The following GJA5 variants were observed in gnomAD, a reference collection of about 807,000 sequenced individuals.
The protein encoded by GJA5 is gap junction protein alpha 5, also known as gap junction alpha-5 protein.
A neutral mutation model predicts 7.9 loss-of-function variants in GJA5; 3 were observed. The observed-to-expected ratio is 0.38, with a 90% CI of 0.17 to 0.99. GJA5 has a LOEUF of 0.99. GJA5 is among the 50% of genes least tolerant of loss of function. The probability of loss-of-function intolerance (pLI) is 0.38; values close to 1 mark genes in which losing one functional copy is unlikely to be tolerated. For synonymous variants in GJA5, 193 were observed against 181.0 expected (o/e 1.07, Z -0.53); for missense variants, 390 against 457.9 (o/e 0.85, Z 1.35).
chr1:147,772,789 G>GAAAAAAA (rs10687653), intron 1 of GJA5, among the ~76,000 whole-genome samples: 5 of 125,922 alleles, frequency 4.0e-5, no homozygotes, highest in South Asian at 2.7e-4. Flanking sequence ...GCCTTAGGGA[G>GAAAAAAA]AAAAAAAAAA....
At position 147,757,740 on chromosome 1, in the gene GJA5, G is replaced by C. The variant is rs1383244523; in HGVS notation, c.*422C>G. The C allele has an allele frequency of 1.4e-5, 3 of 221,122 alleles. No homozygotes were observed. The Admixed American group carries it at 1.6e-4, about 11-fold the overall frequency. The allele number at this position is 221,122 out of a possible 1,614,324, so 13.7% of individuals were successfully genotyped here. On this transcript the variant is annotated 3_prime_UTR_variant, in exon 2 of 2. Transcript: ENST00000579774. The stretch of plus-strand genomic sequence containing the variant: ...ATGCTGTCTATTGGCTGGGAACTTT[G>C]AGCTCTTCCTTGGAGGAGGGAGGGT...
At chr1:147,767,101 C>A (rs1365610974) in intron 1 of GJA5, among the ~76,000 whole-genome samples, 1 of 152,130 alleles carries the variant, frequency 6.6e-6, no homozygotes. Context: ...TTCCTCTCAC[C>A]CCAATAATTT....
At chr1:147,770,376 C>T (rs587646057) in intron 1 of GJA5, among the ~76,000 whole-genome samples, 28 of 152,068 alleles carry the variant, frequency 1.8e-4, no homozygotes, top group Middle Eastern at 6.8e-3. Context: ...AGTGGCAAAG[C>T]CAAGAAACAA....
intron 1 of GJA5, among the ~76,000 whole-genome samples, chr1:147,771,249 G>A (rs1470562281): frequency 1.3e-5 from 2 of 152,058 alleles, no homozygotes; most frequent in Non-Finnish European, 2.9e-5. Context: ...GTGGGCAGGT[G>A]GGAGTCAATA....
chr1:147,769,568 G>T (rs1320623184), intron 1 of GJA5, among the ~76,000 whole-genome samples: 1 of 149,610 alleles, frequency 6.7e-6, no homozygotes, highest in Non-Finnish European at 1.5e-5. Context: ...GACATTTCCA[G>T]TAAAAACTCC....
chr1:147,757,906 A>G lies in GJA5; in HGVS notation c.*256T>C. 2 of 529,206 alleles carry G rather than the reference A, an allele frequency of 3.8e-6. No homozygotes were observed. The highest frequency in any genetic ancestry group is 4.2e-5 in the South Asian group (2 of 47,432). The allele number at this position is 529,206 out of a possible 1,614,324, so 32.8% of individuals were successfully genotyped here. The stretch of plus-strand genomic sequence containing the variant: ...CCCTTCTTTCCCTCTACCCTGTTTC[A>G]TGAGTAATCTGAAAGGCTTCGTATA... On this transcript the variant is annotated 3_prime_UTR_variant, in exon 2 of 2. Coordinates refer to ENST00000579774, the MANE Select transcript of GJA5 (RefSeq NM_181703.4).
upstream of GJA5, among the ~76,000 whole-genome samples, chr1:147,760,898 G>C (rs1340934739): frequency 6.7e-6 from 1 of 150,284 alleles, no homozygotes; most frequent in Non-Finnish European, 1.5e-5. Context: ...GTGAACAAGA[G>C]GGAACCTCAC....
chr1:147,772,745 A>T (rs1252022434), intron 1 of GJA5, among the ~76,000 whole-genome samples: 2 of 150,582 alleles, frequency 1.3e-5, no homozygotes, highest in Admixed American at 1.3e-4. Flanking sequence ...TCTGCAGGAA[A>T]CTAAGCAGGG....
intron 1 of GJA5, among the ~76,000 whole-genome samples, chr1:147,768,630 T>C (rs181095582): frequency 3.9e-5 from 6 of 152,322 alleles, no homozygotes; most frequent in Admixed American, 3.3e-4. Flanking sequence ...CTCAACTCCT[T>C]ATTTTTAAAC....
Position 147,758,166 on chromosome 1 carries a change from A to T in GJA5, c.1073T>A (p.Val358Glu), listed in dbSNP as rs1553226732. The T allele has an allele frequency of 6.2e-7, 1 of 1,607,782 alleles. No individual in the cohort carries two copies. The highest frequency in any genetic ancestry group is 1.1e-5 in the South Asian group (1 of 90,952). Residue 358 changes from valine to glutamate, a missense_variant, in exon 2 of 2, where the codon GTG becomes GAG. Physicochemically the swap from Val to Glu is moderately radical, Grantham distance 121. Coordinates refer to ENST00000579774, the MANE Select transcript of GJA5 (RefSeq NM_181703.4). ...TGATCCTCCCATAAAGGAGGGTCAC[A>T]CTGATAGGTCATCTGACCTTGCCTT... ...SSKARSDDLS[V>E]
chr1:147,771,035 A>G (rs1664376411), intron 1 of GJA5, among the ~76,000 whole-genome samples: 2 of 152,112 alleles, frequency 1.3e-5, no homozygotes, highest in Admixed American at 1.3e-4. Context: ...GTCCTTCCCT[A>G]GGACGGGGGC....
chr1:147,769,956 G>A (rs782632303), intron 1 of GJA5, among the ~76,000 whole-genome samples: 8 of 151,744 alleles, frequency 5.3e-5, no homozygotes, highest in Non-Finnish European at 1.2e-4. Context: ...CTGAGAAGCT[G>A]CAGCACTTTT....
intron 1 of GJA5, among the ~76,000 whole-genome samples, chr1:147,766,042 T>C (rs1664189175): frequency 6.6e-6 from 1 of 152,144 alleles, no homozygotes; most frequent in Non-Finnish European, 1.5e-5. Flanking sequence ...CATAATAGCC[T>C]TTCTAATATA....
chr1:147,763,369 A>C (rs989880200), upstream of GJA5, among the ~76,000 whole-genome samples: 2 of 152,208 alleles, frequency 1.3e-5, no homozygotes, highest in Admixed American at 1.3e-4. Context: ...TCAGTAAAAC[A>C]CAATGTGTGT....
upstream of GJA5, among the ~76,000 whole-genome samples, chr1:147,762,274 A>G (rs1664046490): frequency 4.1e-5 from 6 of 148,110 alleles, no homozygotes; most frequent in South Asian, 1.3e-3. Flanking sequence ...AAAAAAAAAG[A>G]AACAAATGTC....
chr1:147,767,635 C>T (rs1284633895), intron 1 of GJA5, among the ~76,000 whole-genome samples: 2 of 150,218 alleles, frequency 1.3e-5, no homozygotes, highest in Non-Finnish European at 3.0e-5. Context: ...TGGGCTCAGA[C>T]GATCTACCCA....
At chr1:147,766,157 G>A (rs2148963167) in intron 1 of GJA5, among the ~76,000 whole-genome samples, 1 of 152,176 alleles carries the variant, frequency 6.6e-6, no homozygotes, top group East Asian at 1.9e-4. Flanking sequence ...TGCTCTACAG[G>A]CCATGTATTC....
At position 147,756,479 on chromosome 1, in the gene GJA5, A is replaced by G. The variant is rs1490225020; in HGVS notation, c.*1683T>C. 6.6e-6 allele frequency: 1 copy of G among 152,182 alleles called. No individual in the cohort carries two copies. Among genetic ancestry groups the G allele is most frequent in the Admixed American group, 6.5e-5 (1 of 15,282 alleles). 9.4% of individuals were successfully genotyped at this position (152,182 alleles called of 1,614,324 possible). A position where few individuals can be genotyped will look rare whatever the true frequency, so the allele number is the denominator to read the frequency against. On this transcript the variant is annotated 3_prime_UTR_variant, in exon 2 of 2. Coordinates refer to ENST00000579774, the MANE Select transcript of GJA5 (RefSeq NM_181703.4). The stretch of plus-strand genomic sequence containing the variant: ...CTCTCATTTATCTTTCCACCCAACA[A>G]TAGCATCCAAGTGTCAGCAGAGGGC...
chr1:147,766,214 G>A (rs888944658), intron 1 of GJA5, among the ~76,000 whole-genome samples: 1 of 152,130 alleles, frequency 6.6e-6, no homozygotes, highest in Non-Finnish European at 1.5e-5. Context: ...CTGCTTTTCT[G>A]TTCATCATTG....
Sources: gnomAD v4.1 joint callset for allele counts (sites outside exome capture counted in the v4.1 genomes callset) on GRCh38, gnomAD v4.1.1 for gene constraint, MANE v1.5 for transcripts, NCBI Gene and HGNC (gene_info 2026-07-23, HGNC 2026-07-21) for gene names.